Variants in BICC1 observed in about 807,000 individuals in gnomAD.
The protein encoded by BICC1 is BicC family RNA binding protein 1.
Under a neutral mutation model 111.0 loss-of-function variants are expected in BICC1, and 43 were observed. The observed-to-expected ratio is 0.39, with a 90% CI of 0.30 to 0.50. The LOEUF (loss-of-function observed/expected upper bound fraction) is 0.50, where lower values mean the gene tolerates loss of function less well. Among genes scored for constraint, BICC1 ranks in the 20% least tolerant of loss-of-function variants. The probability of loss-of-function intolerance (pLI) is 0.88; values close to 1 mark genes in which losing one functional copy is unlikely to be tolerated. For missense variants in BICC1, 1,091 were observed against 1,203.2 expected (o/e 0.91, Z 1.38); for synonymous variants, 467 against 434.4 (o/e 1.07, Z -0.93).
At chr10:58,550,102 A>G (rs1843256164) in intron 1 of BICC1, among the ~76,000 whole-genome samples, 1 of 151,872 alleles carries the variant, frequency 6.6e-6, no homozygotes. Context: ...AGCAGCCTCA[A>G]AATCCTGGGC....
chr10:58,755,123 G>T (rs927718991), intron 3 of BICC1, among the ~76,000 whole-genome samples: 2 of 151,842 alleles, frequency 1.3e-5, no homozygotes, highest in Non-Finnish European at 2.9e-5. Context: ...ATTTTTCTTT[G>T]TTTTTTGTTT....
intron 2 of BICC1, among the ~76,000 whole-genome samples, chr10:58,697,921 C>T (rs188785936): frequency 6.6e-5 from 10 of 152,198 alleles, no homozygotes; most frequent in Non-Finnish European, 1.5e-4. Context: ...CTTCCTCCCC[C>T]ACCTCCCACC....
At chr10:58,599,459 A>G (rs1376102879) in intron 1 of BICC1, among the ~76,000 whole-genome samples, 1 of 152,146 alleles carries the variant, frequency 6.6e-6, no homozygotes, top group African/African-American at 2.4e-5. Flanking sequence ...GTGAGAACAC[A>G]TGGACATAGG....
At chr10:58,644,956 A>G (rs1220063284) in intron 2 of BICC1, among the ~76,000 whole-genome samples, 2 of 152,188 alleles carry the variant, frequency 1.3e-5, no homozygotes, top group Non-Finnish European at 2.9e-5. Flanking sequence ...GTCATCAAAT[A>G]GTATTATGTT....
intron 3 of BICC1, among the ~76,000 whole-genome samples, chr10:58,782,929 G>T (rs1467422268): frequency 6.6e-6 from 1 of 152,190 alleles, no homozygotes; most frequent in Non-Finnish European, 1.5e-5. Flanking sequence ...AGAAAGGGCA[G>T]TCCTGGTTCT....
chr10:58,736,113 T>G (rs1343482092), intron 3 of BICC1, among the ~76,000 whole-genome samples: 1 of 152,092 alleles, frequency 6.6e-6, no homozygotes, highest in Non-Finnish European at 1.5e-5. Flanking sequence ...CTGACACCTG[T>G]GGAAGGAGAT....
At chr10:58,568,652 C>G (rs562438195) in intron 1 of BICC1, among the ~76,000 whole-genome samples, 2 of 152,098 alleles carry the variant, frequency 1.3e-5, no homozygotes, top group Non-Finnish European at 2.9e-5. Context: ...CTTTTCAACC[C>G]CAAACATCCA....
intron 9 of BICC1, among the ~76,000 whole-genome samples, chr10:58,795,854 G>GTGA (rs896371439): frequency 6.6e-6 from 1 of 152,138 alleles, no homozygotes; most frequent in Admixed American, 6.5e-5. Flanking sequence ...TCAAACATAA[G>GTGA]TGATGATGAT....
At chr10:58,634,001 T>C (rs1480236763) in intron 2 of BICC1, among the ~76,000 whole-genome samples, 30 of 147,896 alleles carry the variant, frequency 2.0e-4, no homozygotes, top group South Asian at 6.4e-4. Flanking sequence ...TTTTCTTTTT[T>C]TTTTTTTTTT....
chr10:58,776,932 C>T (rs1842763651), intron 3 of BICC1, among the ~76,000 whole-genome samples: 1 of 152,068 alleles, frequency 6.6e-6, no homozygotes. Context: ...CTCCGTGTTC[C>T]AAAGCTGGAT....
chr10:58,651,922 T>G (rs1213645723), intron 2 of BICC1, among the ~76,000 whole-genome samples: 1 of 152,136 alleles, frequency 6.6e-6, no homozygotes. Context: ...AGGATTAAGA[T>G]GGTTGAAAAG....
At chr10:58,716,464 T>C (rs2132504549) in intron 3 of BICC1, among the ~76,000 whole-genome samples, 1 of 152,344 alleles carries the variant, frequency 6.6e-6, no homozygotes. Context: ...AAATGTTGCC[T>C]GCTGCTTGAA....
At position 58,552,071 on chromosome 10, in the gene BICC1, G is replaced by T. The variant is rs556149243; in HGVS notation, c.190+38738G>T. Reference sequence around the variant, plus strand: ...TAACACTTCTTTGTCATTTTCAAGGGTAGCTTTTTGGAACTTTGTCAATAG... The same window carrying T: ...TAACACTTCTTTGTCATTTTCAAGGTTAGCTTTTTGGAACTTTGTCAATAG... On this transcript the variant is annotated intron_variant, in intron 1 of 20. Transcript: ENST00000373886. 1.2e-4 allele frequency among the ~76,000 whole-genome samples: 18 copies of T among 151,382 alleles called. 1 individual carries two copies. In the South Asian group the frequency reaches 3.8e-3, roughly 32 times the overall value.
intron 2 of BICC1, among the ~76,000 whole-genome samples, chr10:58,665,071 C>G (rs1201734505): frequency 1.3e-5 from 2 of 152,088 alleles, no homozygotes; most frequent in Non-Finnish European, 2.9e-5. Flanking sequence ...GTTATTGCCA[C>G]TTCCCCAGTA....
chr10:58,527,698 G>C (rs1167483901), intron 1 of BICC1, among the ~76,000 whole-genome samples: 2 of 152,032 alleles, frequency 1.3e-5, no homozygotes, highest in East Asian at 3.9e-4. Context: ...CCCATTTCTT[G>C]TTTTTGCCAG....
chr10:58,829,092 T>C lies in BICC1; in HGVS notation c.*201T>C. 2.0e-6 allele frequency: 1 copy of C among 500,852 alleles called. No homozygotes were observed. Among genetic ancestry groups the C allele is most frequent in the Admixed American group, 3.9e-5 (1 of 25,670 alleles). 31.0% of individuals were successfully genotyped at this position (500,852 alleles called of 1,614,324 possible). A position where few individuals can be genotyped will look rare whatever the true frequency, so the allele number is the denominator to read the frequency against. On this transcript the variant is annotated 3_prime_UTR_variant, in exon 21 of 21. Transcript: ENST00000373886. ...ATGATGTCATACAGAACACCAAATATGGATTACTTTTTTAAAATGGCAGTT... is the reference window on the plus strand; with the variant it reads ...ATGATGTCATACAGAACACCAAATACGGATTACTTTTTTAAAATGGCAGTT...
chr10:58,794,826 A>G (rs1353088900), intron 9 of BICC1, among the ~76,000 whole-genome samples: 1 of 152,176 alleles, frequency 6.6e-6, no homozygotes, highest in African/African-American at 2.4e-5. Flanking sequence ...GCGATTTCTG[A>G]TCATCGCATT....
intron 2 of BICC1, among the ~76,000 whole-genome samples, chr10:58,642,373 C>G (rs1838149864): frequency 6.6e-6 from 1 of 152,076 alleles, no homozygotes; most frequent in African/African-American, 2.4e-5. Context: ...TATTAAATCT[C>G]TATGTGTTGT....
At position 58,829,435 on chromosome 10, in the gene BICC1, T is replaced by C. The variant is rs1198985850; in HGVS notation, c.*544T>C. The stretch of plus-strand genomic sequence containing the variant: ...GTTCTCGCTGTCTCCATCTCTCTCA[T>C]TTTTGTGTCACCTAATATGTTGGTA... On this transcript the variant is annotated 3_prime_UTR_variant, in exon 21 of 21. Coordinates refer to ENST00000373886, the MANE Select transcript of BICC1 (RefSeq NM_001080512.3). 1 of 152,204 alleles carries C rather than the reference T, an allele frequency of 6.6e-6. No homozygotes were observed. The highest frequency in any genetic ancestry group is 1.5e-5 in the Non-Finnish European group (1 of 68,086). The allele number at this position is 152,204 out of a possible 1,614,324, so 9.4% of individuals were successfully genotyped here.
Sources: allele counts gnomAD v4.1 joint callset (sites outside exome capture counted in the v4.1 genomes callset), GRCh38; gene constraint gnomAD v4.1.1; transcripts MANE v1.5; gene names NCBI Gene and HGNC (gene_info 2026-07-23, HGNC 2026-07-21).